TENT2: variants seen among roughly 807,000 people sequenced by gnomAD.
TENT2 encodes the protein terminal nucleotidyltransferase 2.
A neutral mutation model predicts 72.2 loss-of-function variants in TENT2; 44 were observed. That is an observed-to-expected ratio of 0.61 (90% CI 0.48 to 0.78). TENT2 has a LOEUF of 0.78. Among genes scored for constraint, TENT2 ranks in the 30% least tolerant of loss-of-function variants. TENT2 has a pLI of 0.00. For synonymous variants in TENT2, 212 were observed against 192.5 expected, an observed-to-expected ratio of 1.10 and a Z score of -0.84; for missense variants, 541 against 569.6, an observed-to-expected ratio of 0.95 and a Z score of 0.51.
chr5:79,649,455 T>A (rs562182764), intron 10 of TENT2, among the ~76,000 whole-genome samples: 21 of 151,874 alleles, frequency 1.4e-4, no homozygotes, highest in Non-Finnish European at 1.8e-4. Flanking sequence ...CACCACTGTA[T>A]TGTGGACCCA....
At position 79,619,741 on chromosome 5, in the gene TENT2, A is replaced by G; in HGVS notation, c.93A>G (p.Ser31=). 1.2e-6 allele frequency: 2 copies of G among 1,613,836 alleles called. No homozygotes were observed. Among genetic ancestry groups the G allele is most frequent in the Middle Eastern group, 3.3e-4 (2 of 6,060 alleles). ...NFFTLSPTVY[S]HQQLIDAQFN... ...TTACCCTGTCACCTACTGTTTATTCACACCAGCAGCTTATAGATGCACAAT... is the reference window on the plus strand; with the variant it reads ...TTACCCTGTCACCTACTGTTTATTCGCACCAGCAGCTTATAGATGCACAAT... Residue 31 remains serine, a synonymous_variant, in exon 2 of 15, where the codon TCA becomes TCG. Coordinates refer to ENST00000453514, the MANE Select transcript of TENT2 (RefSeq NM_001114394.3).
chr5:79,647,871 A>G (rs1259702915), intron 8 of TENT2, among the ~76,000 whole-genome samples: 1 of 152,144 alleles, frequency 6.6e-6, no homozygotes, highest in African/African-American at 2.4e-5. Context: ...CAAAGAAGTA[A>G]TCATTATGTG....
Position 79,674,509 on chromosome 5 carries a change from C to G in TENT2, c.1209-5070C>G, listed in dbSNP as rs533534141. 3.9e-5 allele frequency among the ~76,000 whole-genome samples: 6 copies of G among 152,220 alleles called. No homozygotes were observed. In the South Asian group the frequency reaches 1.0e-3, roughly 26 times the overall value. Reference sequence around the variant, plus strand: ...TTATAATCCAGTTGGGGTGGGGGAACTATAAAAGGTATTTGAGTTACTGTT... The same window carrying G: ...TTATAATCCAGTTGGGGTGGGGGAAGTATAAAAGGTATTTGAGTTACTGTT... On this transcript the variant is annotated intron_variant, in intron 12 of 14. Transcript: ENST00000453514.
intron 7 of TENT2, 61 bp from the exon 8 acceptor site, chr5:79,645,062 G>T (rs563587586): frequency 1.5e-6 from 2 of 1,362,914 alleles, no homozygotes; most frequent in Non-Finnish European, 2.0e-6. Flanking sequence ...AAAAATGTGC[G>T]TTGGAACACT....
chr5:79,669,053 T>C (rs1445943835), intron 12 of TENT2, 25 bp downstream of exon 12: 3 of 1,607,052 alleles, frequency 1.9e-6, no homozygotes, highest in Non-Finnish European at 2.6e-6. Flanking sequence ...AAATTGTGTT[T>C]GTTCACTTAT....
At chr5:79,637,474 T>A (rs1781027051) in intron 4 of TENT2, among the ~76,000 whole-genome samples, 1 of 152,154 alleles carries the variant, frequency 6.6e-6, no homozygotes, top group South Asian at 2.1e-4. Context: ...TTGCCCAGGC[T>A]GGAGTACAGT....
intron 4 of TENT2, among the ~76,000 whole-genome samples, chr5:79,636,476 G>T (rs1383134454): frequency 1.3e-5 from 2 of 152,096 alleles, no homozygotes; most frequent in African/African-American, 4.8e-5. Context: ...GATTACTGTA[G>T]TGTTATATTA....
In TENT2 at chr5:79,645,208, GCTTT is replaced by G; in HGVS notation, c.821+21_821+24del. On this transcript the variant is annotated intron_variant, in intron 8 of 14. Coordinates refer to ENST00000453514, the MANE Select transcript of TENT2 (RefSeq NM_001114394.3). ...ATAAAGTCAGGTAAATAATTAATGAGCTTTCTTTTTTTAGTTCCTTTAGATCATT... is the reference window on the plus strand; with the variant it reads ...ATAAAGTCAGGTAAATAATTAATGAGCTTTTTTTAGTTCCTTTAGATCATT... 1 of 1,591,188 alleles carries G rather than the reference GCTTT, an allele frequency of 6.3e-7. No individual in the cohort carries two copies. The highest frequency in any genetic ancestry group is 8.6e-7 in the Non-Finnish European group (1 of 1,169,504).
At position 79,619,712 on chromosome 5, in the gene TENT2, T is replaced by G. The variant is rs1243833935; in HGVS notation, c.64T>G (p.Phe22Val). The G allele has an allele frequency of 1.1e-5, 18 of 1,613,796 alleles. No individual in the cohort carries two copies. The highest frequency in any genetic ancestry group is 1.5e-5 in the Non-Finnish European group (18 of 1,179,848). The change falls in exon 2 of 15, where the codon TTC becomes GTC. Residue 22 changes from phenylalanine to valine, a missense_variant. Coordinates refer to ENST00000453514, the MANE Select transcript of TENT2 (RefSeq NM_001114394.3). ...TCCAAATCATCAACAACATAATAAC[T>G]TCTTTACCCTGTCACCTACTGTTTA... ...FTPNHQQHNN[F>V]FTLSPTVYSH...
chr5:79,632,991 A>G (rs1005867618), intron 4 of TENT2, among the ~76,000 whole-genome samples: 1 of 152,198 alleles, frequency 6.6e-6, no homozygotes, highest in Non-Finnish European at 1.5e-5. Context: ...TCAACCCACC[A>G]GTTTATAAAT....
At chr5:79,664,454 G>A (rs1805592476) in intron 11 of TENT2, among the ~76,000 whole-genome samples, 1 of 152,076 alleles carries the variant, frequency 6.6e-6, no homozygotes, top group Non-Finnish European at 1.5e-5. Context: ...AATTAGCCGA[G>A]TGTGGAGGCA....
At chr5:79,682,668 A>C (rs763145954) in intron 14 of TENT2, among the ~76,000 whole-genome samples, 1 of 152,116 alleles carries the variant, frequency 6.6e-6, no homozygotes, top group Admixed American at 6.5e-5. Flanking sequence ...TCCTTAGTGT[A>C]TTGGGGAATT....
chr5:79,668,787 A>G, intron 11 of TENT2, 105 bp from the exon 12 acceptor site: 1 of 1,356,780 alleles, frequency 7.4e-7, no homozygotes, highest in Middle Eastern at 2.1e-4. Context: ...AATAGAGTAA[A>G]TTTCTTCTCT....
At position 79,650,297 on chromosome 5, in the gene TENT2, A is replaced by G. The variant is rs570602454; in HGVS notation, c.1027+1107A>G. On this transcript the variant is annotated intron_variant, in intron 10 of 14. Transcript: ENST00000453514. ...CTGAGAATACAGCAGTGAACAACAT[A>G]CAAAAACAATTACCTTCTTCATGAA... is the stretch of plus-strand genomic sequence containing the variant. Among the ~76,000 whole-genome samples the G allele has an allele frequency of 3.9e-5, 6 of 152,260 alleles. No homozygotes were observed. The South Asian group carries it at 8.3e-4, about 21-fold the overall frequency.
At chr5:79,682,443 C>G (rs1167873310) in intron 14 of TENT2, among the ~76,000 whole-genome samples, 1 of 149,170 alleles carries the variant, frequency 6.7e-6, no homozygotes, top group African/African-American at 2.5e-5. Flanking sequence ...CCACACCCAG[C>G]TAATTTTTTT....
At chr5:79,619,835 A>G (rs1763310219) in intron 2 of TENT2, 50 bp downstream of exon 2, 8 of 1,580,752 alleles carry the variant, frequency 5.1e-6, no homozygotes, top group Non-Finnish European at 6.9e-6. Context: ...TTCATTTTCT[A>G]TTTGACATAA....
chr5:79,633,184 C>T (rs1416691634), intron 4 of TENT2, among the ~76,000 whole-genome samples: 1 of 152,044 alleles, frequency 6.6e-6, no homozygotes, highest in Admixed American at 6.5e-5. Context: ...CTTTATTTTC[C>T]TCAGAAAATT....
chr5:79,676,341 C>T (rs923372498), intron 12 of TENT2, among the ~76,000 whole-genome samples: 1 of 151,972 alleles, frequency 6.6e-6, no homozygotes, highest in African/African-American at 2.4e-5. Flanking sequence ...GCTCACGCAC[C>T]TTGGGAGGCT....
chr5:79,620,970 CAG>C (rs1164545041), intron 3 of TENT2, among the ~76,000 whole-genome samples: 7 of 151,898 alleles, frequency 4.6e-5, no homozygotes, highest in South Asian at 2.1e-4. Flanking sequence ...TATTTAAAAA[CAG>C]AACTTGAGAG....
Sources: gnomAD v4.1 joint callset for allele counts (sites outside exome capture counted in the v4.1 genomes callset) on GRCh38, gnomAD v4.1.1 for gene constraint, MANE v1.5 for transcripts, NCBI Gene and HGNC (gene_info 2026-07-23, HGNC 2026-07-21) for gene names.